Variants in ANKRD30A observed in about 807,000 individuals in gnomAD.
The protein encoded by ANKRD30A is ankyrin repeat domain 30A, also known as ankyrin repeat domain-containing protein 30A.
Under a neutral mutation model 166.3 loss-of-function variants are expected in ANKRD30A, and 170 were observed. The observed-to-expected ratio is 1.02, with a 90% CI of 0.90 to 1.16. The LOEUF (loss-of-function observed/expected upper bound fraction) is 1.16. ANKRD30A is among the 50% of genes most tolerant of loss of function. The pLI, the probability that ANKRD30A is intolerant of heterozygous loss-of-function variation, is 0.00. For missense variants in ANKRD30A, 1,630 were observed against 1,518.0 expected (o/e 1.07, Z -1.23); for synonymous variants, 564 against 508.9 (o/e 1.11, Z -1.46).
intron 19 of ANKRD30A, among the ~76,000 whole-genome samples, chr10:37,167,498 G>A (rs973321567): frequency 1.3e-5 from 2 of 151,454 alleles, no homozygotes; most frequent in Non-Finnish European, 2.9e-5. Context: ...TTTATGACTT[G>A]AATACCTAAA....
chr10:37,127,046 CAAAAAAAAAAAAAAAAAAAAAAA>C (rs71007622), intron 1 of ANKRD30A, among the ~76,000 whole-genome samples: 11 of 16,506 alleles, frequency 6.7e-4, no homozygotes, highest in East Asian at 5.9e-3. Flanking sequence ...AACTCTGTCT[CAAAAAAAAAAAAAAAAAAAAAAA>C]AAAAAAAAAA....
At chr10:37,198,196 AC>A (rs1406520469) in intron 29 of ANKRD30A, among the ~76,000 whole-genome samples, 2 of 152,086 alleles carry the variant, frequency 1.3e-5, no homozygotes, top group Non-Finnish European at 2.9e-5. Context: ...GCATGTTTAA[AC>A]ATTTTACAAC....
chr10:37,205,566 T>C (rs1001398484), intron 31 of ANKRD30A, among the ~76,000 whole-genome samples: 4 of 152,250 alleles, frequency 2.6e-5, no homozygotes, highest in African/African-American at 9.6e-5. Context: ...ACCTGCACGT[T>C]GTGCAGATGT....
the ANKRD30A span, among the ~76,000 whole-genome samples, chr10:37,263,403 T>G: frequency 6.6e-6 from 1 of 151,924 alleles, no homozygotes; most frequent in African/African-American, 2.4e-5. Flanking sequence ...ATTTCTCTTA[T>G]ATATTACATT....
At position 37,145,055 on chromosome 10, in the gene ANKRD30A, G is replaced by C. The variant is rs200164455; in HGVS notation, c.1454G>C (p.Arg485Pro). Residue 485 changes from arginine (R) to proline (P), a missense_variant and splice_region_variant, in exon 8 of 36, where the codon CGG (arginine) becomes CCG (proline). Arg to Pro is a moderately radical substitution (Grantham distance 103). Coordinates refer to ENST00000361713, the MANE Select transcript of ANKRD30A (RefSeq NM_052997.3). ...GATGAAGAATATTCTTGTGATTCTC[G>C]GGTATTGTGTATTATTGATGTTATT... ...EEDEEYSCDS[R>P]SLFESSAKIQ... The C allele has an allele frequency of 2.1e-6, 3 of 1,433,026 alleles. No homozygotes were observed. The highest frequency in any genetic ancestry group is 2.8e-6 in the Non-Finnish European group (3 of 1,085,058). The allele number at this position is 1,433,026 out of a possible 1,614,324, so 88.8% of individuals were successfully genotyped here.
intron 25 of ANKRD30A, among the ~76,000 whole-genome samples, chr10:37,190,306 T>A (rs1341074510): frequency 2.0e-5 from 3 of 151,834 alleles, no homozygotes. Context: ...GACGTTGCTC[T>A]GGGTTGCAAG....
chr10:37,196,097 T>A (rs868801652), intron 27 of ANKRD30A, among the ~76,000 whole-genome samples: 6 of 132,682 alleles, frequency 4.5e-5, no homozygotes, highest in Non-Finnish European at 5.3e-5. Flanking sequence ...TTTTCTATTT[T>A]TTTTTTTTTT....
intron 34 of ANKRD30A, among the ~76,000 whole-genome samples, chr10:37,221,370 C>CA (rs1842891558): frequency 6.6e-6 from 1 of 151,128 alleles, no homozygotes; most frequent in African/African-American, 2.4e-5. Flanking sequence ...TCTCAATAAA[C>CA]AGTGTGTGTC....
intron 25 of ANKRD30A, among the ~76,000 whole-genome samples, chr10:37,192,813 C>A (rs1320953302): frequency 6.6e-6 from 1 of 151,520 alleles, no homozygotes; most frequent in Non-Finnish European, 1.5e-5. Flanking sequence ...GTTATTGTCA[C>A]CTTAAATATA....
At chr10:37,232,226 C>A (rs1014926496) in intron 35 of ANKRD30A, among the ~76,000 whole-genome samples, 1 of 151,604 alleles carries the variant, frequency 6.6e-6, no homozygotes, top group Non-Finnish European at 1.5e-5. Flanking sequence ...TGTTTTAAAG[C>A]TAAAAGTCTT....
At chr10:37,162,400 A>C (rs185051728) in intron 15 of ANKRD30A, among the ~76,000 whole-genome samples, 1 of 152,172 alleles carries the variant, frequency 6.6e-6, no homozygotes, top group Non-Finnish European at 1.5e-5. Context: ...TCAACCCTTT[A>C]TACACATGAA....
At position 37,216,189 on chromosome 10, in the gene ANKRD30A, A is replaced by G; in HGVS notation, c.2878A>G (p.Ser960Gly). 1.3e-6 allele frequency: 2 copies of G among 1,595,824 alleles called. No individual in the cohort carries two copies. The highest frequency in any genetic ancestry group is 1.7e-6 in the Non-Finnish European group (2 of 1,168,122). The change falls in exon 32 of 36, where the codon AGC (serine) becomes GGC (glycine). Residue 960 changes from serine (S) to glycine (G), a missense_variant. Around this residue, in one of 4 missense-constraint regions of ANKRD30A, gnomAD observed 712 missense variants for 629.3 expected, o/e 1.13. Transcript: ENST00000361713. ...KISGKLEDST[S>G]LSKILDTVHS... ...TCTCCTCCTTGAGACAGATTCAACT[A>G]GCCTATCAAAAATCTTGGATACAGT... is the stretch of plus-strand genomic sequence containing the variant.
At chr10:37,197,617 A>G in intron 29 of ANKRD30A, 137 bp downstream of exon 29, 5 of 1,342,688 alleles carry the variant, frequency 3.7e-6, no homozygotes, top group Non-Finnish European at 5.1e-6. Flanking sequence ...ACTGGTATTG[A>G]TGTTTGAAAA....
Position 37,132,296 on chromosome 10 carries a change from A to T in ANKRD30A, c.567A>T (p.Glu189Asp), listed in dbSNP as rs1360578397. 33 of 1,606,556 alleles carry T rather than the reference A, an allele frequency of 2.1e-5. No individual in the cohort carries two copies. Among genetic ancestry groups the T allele is most frequent in the Non-Finnish European group, 3.4e-6 (4 of 1,176,522 alleles). Reference protein sequence around the residue: ...SITKRSEQIVEFLLIKNANAN... With the variant: ...SITKRSEQIVDFLLIKNANAN... ...CGAAAAGAAGTGAGCAAATTGTGGA[A>T]TTTTTGCTGATAAAAAATGCAAATG... The change falls in exon 4 of 36, where the codon GAA (glutamate) becomes GAT (aspartate). Residue 189 changes from glutamate (E) to aspartate (D), a missense_variant. Glu to Asp is a conservative substitution (Grantham distance 45). Transcript: ENST00000361713.
intron 34 of ANKRD30A, among the ~76,000 whole-genome samples, chr10:37,221,549 C>CT (rs1564591449): frequency 6.6e-6 from 1 of 151,334 alleles, no homozygotes. Context: ...ATGATACTAA[C>CT]TTCCATGGGA....
At chr10:37,167,469 A>G (rs983304476) in intron 19 of ANKRD30A, among the ~76,000 whole-genome samples, 1 of 151,582 alleles carries the variant, frequency 6.6e-6, no homozygotes, top group African/African-American at 2.4e-5. Context: ...ACTAATTTTG[A>G]AAACCATAAA....
intron 15 of ANKRD30A, among the ~76,000 whole-genome samples, chr10:37,160,337 C>G (rs1838753889): frequency 6.6e-6 from 1 of 152,058 alleles, no homozygotes; most frequent in Admixed American, 6.6e-5. Context: ...TACTCATTAA[C>G]CATGAAAATT....
intron 25 of ANKRD30A, among the ~76,000 whole-genome samples, chr10:37,191,282 A>G (rs1431298825): frequency 6.6e-6 from 1 of 151,862 alleles, no homozygotes. Flanking sequence ...AAAATCAAGG[A>G]ATATTTATAT....
chr10:37,219,103 A>T lies in ANKRD30A; in HGVS notation c.3391A>T (p.Lys1131Ter), dbSNP rs768157534. ...ACACCAATACCAGGAAAAGGAAAAT[A>T]AATACTTTGAGGACATTAAGATTTT... ...LKHQYQEKEN[K>*]YFEDIKILKE... Residue 1131 changes from lysine to a stop codon, truncating the protein, a stop_gained, in exon 34 of 36, where the codon AAA becomes TAA. Transcript: ENST00000361713. LOFTEE classifies it high-confidence loss of function. The T allele has an allele frequency of 6.2e-7, 1 of 1,609,642 alleles. No homozygotes were observed. The highest frequency in any genetic ancestry group is 1.1e-5 in the South Asian group (1 of 90,828).
Sources: allele counts gnomAD v4.1 joint callset (sites outside exome capture counted in the v4.1 genomes callset), GRCh38; gene constraint gnomAD v4.1.1; regional missense constraint gnomAD v4.1.1; transcripts MANE v1.5; gene names NCBI Gene and HGNC (gene_info 2026-07-23, HGNC 2026-07-21).